PFKFB1: variants seen among roughly 807,000 people sequenced by gnomAD.
PFKFB1 encodes the protein 6-phosphofructo-2-kinase/fructose-2,6-biphosphatase 1.
Under a neutral mutation model 46.4 loss-of-function variants are expected in PFKFB1, and 34 were observed. The observed-to-expected ratio is 0.73, with a 90% CI of 0.56 to 0.98. The LOEUF is 0.98. Among genes scored for constraint, PFKFB1 ranks in the 50% least tolerant of loss-of-function variants. The probability of loss-of-function intolerance (pLI) is 0.00; values close to 1 mark genes in which losing one functional copy is unlikely to be tolerated. For synonymous variants in PFKFB1, 119 were observed against 133.8 expected, an observed-to-expected ratio of 0.89 and a Z score of 0.76; for missense variants, 393 against 376.3, an observed-to-expected ratio of 1.04 and a Z score of -0.37.
upstream of PFKFB1, among the ~76,000 whole-genome samples, chrX:54,998,127 C>T (rs1057491524): frequency 8.9e-6 from 1 of 112,347 alleles, no homozygotes; most frequent in African/African-American, 3.2e-5. Flanking sequence ...CTCAATCACT[C>T]AGTTCATTCA....
At chrX:54,977,984 G>T (rs1037738853) in intron 1 of PFKFB1, among the ~76,000 whole-genome samples, 10 of 110,647 alleles carry the variant, frequency 9.0e-5, no homozygotes, top group African/African-American at 3.3e-4. Flanking sequence ...ATGGACTCTG[G>T]GTGATAGCAA....
intron 11 of PFKFB1, 35 bp from the exon 12 acceptor site, chrX:54,935,044 G>A: frequency 9.1e-7 from 1 of 1,093,371 alleles, no homozygotes; most frequent in Admixed American, 2.3e-5. Flanking sequence ...TCAGAGGCAG[G>A]GTGCTGGCCA....
chrX:54,936,381 G>C (rs1221155643), intron 11 of PFKFB1, among the ~76,000 whole-genome samples: 1 of 103,682 alleles, frequency 9.6e-6, no homozygotes, highest in African/African-American at 3.5e-5. Flanking sequence ...GGGTGGGTGG[G>C]GGGGTGAGAA....
Position 54,958,472 on chromosome X carries a change from G to T in PFKFB1, c.460-110C>A, listed in dbSNP as rs1934219821. 1.4e-5 allele frequency: 7 copies of T among 499,875 alleles called. No homozygotes were observed. The Admixed American group carries it at 2.2e-4, about 15-fold the overall frequency. 41.2% of individuals were successfully genotyped at this position (499,875 alleles called of 1,213,427 possible). ...CTAAGTCATCTCCAGGGGCATCTCT[G>T]ACAACATAATGCTCTCATACAGTGG... On this transcript the variant is annotated intron_variant, in intron 5 of 13. Transcript: ENST00000375006.
chrX:54,989,427 G>A (rs1935184449), intron 1 of PFKFB1, among the ~76,000 whole-genome samples: 1 of 111,364 alleles, frequency 9.0e-6, no homozygotes, highest in African/African-American at 3.3e-5. Context: ...AATTCACAAG[G>A]AAGATATAGC....
intron 7 of PFKFB1, 107 bp from the exon 8 acceptor site, chrX:54,952,219 C>T (rs1317813603): frequency 8.7e-6 from 5 of 577,324 alleles, no homozygotes; most frequent in Non-Finnish European, 1.4e-5. Flanking sequence ...TCTTCCACAA[C>T]CCAGCTGTCA....
chrX:54,989,356 G>T (rs1334581961), intron 1 of PFKFB1, among the ~76,000 whole-genome samples: 1 of 111,675 alleles, frequency 9.0e-6, no homozygotes, highest in Non-Finnish European at 1.9e-5. Context: ...AAACATCAAT[G>T]ATACCAAATT....
chrX:54,996,107 C>G (rs1010727811), upstream of PFKFB1, among the ~76,000 whole-genome samples: 1 of 112,182 alleles, frequency 8.9e-6, no homozygotes, highest in African/African-American at 3.2e-5. Context: ...TTTAATTAAT[C>G]AAACAAGCCT....
At chrX:54,986,193 T>C (rs976938377) in intron 1 of PFKFB1, among the ~76,000 whole-genome samples, 2 of 112,220 alleles carry the variant, frequency 1.8e-5, no homozygotes, top group Non-Finnish European at 3.8e-5. Flanking sequence ...GGCTCACGCC[T>C]ATAATCCGAG....
chrX:54,966,184 T>C (rs1409169026), intron 1 of PFKFB1, among the ~76,000 whole-genome samples: 2 of 112,128 alleles, frequency 1.8e-5, no homozygotes, highest in African/African-American at 3.2e-5. Flanking sequence ...TCCAACTACA[T>C]GCCATTTACA....
chrX:54,994,969 T>C (rs1026585002), upstream of PFKFB1: 1 of 431,261 alleles, frequency 2.3e-6, no homozygotes, highest in African/African-American at 2.7e-5. Flanking sequence ...CATGAACTGA[T>C]AGAAAATTTC....
intron 7 of PFKFB1, 80 bp downstream of exon 7, chrX:54,956,073 A>G: frequency 1.2e-5 from 7 of 602,572 alleles, no homozygotes; most frequent in Non-Finnish European, 1.3e-5. Context: ...CCAGCAAGGG[A>G]GGATATTTAC....
At chrX:54,997,804 G>A (rs751209246), upstream of PFKFB1, among the ~76,000 whole-genome samples, 6 of 112,231 alleles carry the variant, frequency 5.3e-5, no homozygotes, top group African/African-American at 1.3e-4. Context: ...TCCTAGTCAT[G>A]GAAGTGGCTC....
chrX:54,989,900 C>T (rs917884333), intron 1 of PFKFB1, among the ~76,000 whole-genome samples: 1 of 111,275 alleles, frequency 9.0e-6, no homozygotes, highest in Admixed American at 9.6e-5. Context: ...ATTGAGGTGG[C>T]CAGGGTAACT....
In PFKFB1 at chrX:54,945,526, C is replaced by T; in HGVS notation, c.1011G>A (p.Met337Ile). ...NEIDAGVCEE[M>I]TYEEIQEHYP... ...AATGTTCCTGGATTTCTTCATAGGT[C>T]ATCTCCTCACAGACACCCTGAGAAA... is the stretch of plus-strand genomic sequence containing the variant. Residue 337 changes from methionine to isoleucine, a missense_variant, in exon 10 of 14, where the codon ATG (methionine) becomes ATA (isoleucine). Physicochemically the swap from Met to Ile is conservative, Grantham distance 10. Coordinates refer to ENST00000375006, the MANE Select transcript of PFKFB1 (RefSeq NM_002625.4). The T allele has an allele frequency of 8.5e-7, 1 of 1,172,846 alleles. No homozygotes were observed. Among genetic ancestry groups the T allele is most frequent in the Non-Finnish European group, 1.2e-6 (1 of 862,728 alleles).
chrX:54,974,071 AC>A (rs1355829273), intron 1 of PFKFB1, among the ~76,000 whole-genome samples: 1 of 111,471 alleles, frequency 9.0e-6, no homozygotes, highest in African/African-American at 3.3e-5. Flanking sequence ...GTAACACAAT[AC>A]CAATAAAAAC....
chrX:54,939,689 C>A (rs1229088204), intron 10 of PFKFB1, among the ~76,000 whole-genome samples: 1 of 111,580 alleles, frequency 9.0e-6, no homozygotes, highest in Admixed American at 9.5e-5. Flanking sequence ...CAAGACTAAA[C>A]CAGAAAGAGG....
Position 54,956,170 on chromosome X carries a change from C to T in PFKFB1, c.621G>A (p.Leu207=), listed in dbSNP as rs1306053522. 8.3e-7 allele frequency: 1 copy of T among 1,203,452 alleles called. No individual in the cohort carries two copies. The highest frequency in any genetic ancestry group is 3.0e-5 in the East Asian group (1 of 33,706). The part of the protein sequence containing the change: ...IECYEVNYQP[L]DEELDSHLSY... ...GCTCTTACCTGTCCAGTTCCTCATC[C>T]AAGGGTTGGTAGTTGACCTCATAGC... The change falls in exon 7 of 14, where the codon TTG becomes TTA. Residue 207 remains leucine, a synonymous_variant. Transcript: ENST00000375006.
intron 5 of PFKFB1, 128 bp from the exon 6 acceptor site, chrX:54,958,490 T>C (rs1934220333): frequency 2.2e-6 from 1 of 456,407 alleles, no homozygotes; most frequent in African/African-American, 2.4e-5. Context: ...AATGCTCTCA[T>C]ACAGTGGTAC....
Sources: gnomAD v4.1 joint callset for allele counts (sites outside exome capture counted in the v4.1 genomes callset) on GRCh38, gnomAD v4.1.1 for gene constraint, MANE v1.5 for transcripts, NCBI Gene and HGNC (gene_info 2026-07-23, HGNC 2026-07-21) for gene names.